SHANK2: variants seen among roughly 807,000 people sequenced by gnomAD.
SHANK2 encodes the protein SH3 and multiple ankyrin repeat domains protein 2.
In SHANK2, 43 loss-of-function variants were observed where a neutral mutation model predicts 133.7. The ratio of observed to expected loss-of-function variants is 0.32; its 90% CI spans 0.25 to 0.41. The LOEUF (loss-of-function observed/expected upper bound fraction) is 0.41. Ranked by LOEUF, SHANK2 falls within the 10% of genes least tolerant of loss-of-function variation. The pLI is 1.00. For missense variants in SHANK2, 1,994 were observed against 2,235.8 expected, an observed-to-expected ratio of 0.89 and a Z score of 2.18; for synonymous variants, 1,017 against 952.8, an observed-to-expected ratio of 1.07 and a Z score of -1.24.
intron 17 of SHANK2, among the ~76,000 whole-genome samples, chr11:70,547,765 C>T (rs564007058): frequency 1.4e-4 from 21 of 152,228 alleles, no homozygotes; most frequent in Non-Finnish European, 1.9e-4. Context: ...TCTTACTCTA[C>T]GTAATTGTCT....
intron 17 of SHANK2, among the ~76,000 whole-genome samples, chr11:70,629,376 T>C (rs2060949170): frequency 6.6e-6 from 1 of 152,194 alleles, no homozygotes. Flanking sequence ...TTTAACCTAG[T>C]GCTTGGTGAT....
chr11:70,566,486 C>T (rs2059969583), intron 17 of SHANK2: 2 of 152,196 alleles, frequency 1.3e-5, no homozygotes, highest in Admixed American at 6.5e-5. Flanking sequence ...AGGGCTGGGA[C>T]CACAGTCCCC....
intron 9 of SHANK2, among the ~76,000 whole-genome samples, chr11:71,072,539 T>C (rs1264067256): frequency 6.6e-6 from 1 of 152,170 alleles, no homozygotes; most frequent in African/African-American, 2.4e-5. Context: ...CTTGTGGGCA[T>C]TTTTCCCCGA....
Position 70,538,373 on chromosome 11 carries a change from AG to A in SHANK2, c.2062-35443del, listed in dbSNP as rs1456830087. ...CCGAGGGGCTTGGCCAAGGATGCACAGTGGAGTGGACACTGCTTGCCAGGCC... is the reference window on the plus strand; with the variant it reads ...CCGAGGGGCTTGGCCAAGGATGCACATGGAGTGGACACTGCTTGCCAGGCC... On this transcript the variant is annotated intron_variant, in intron 17 of 25. Coordinates refer to ENST00000601538, the MANE Select transcript of SHANK2 (RefSeq NM_012309.5). 3.3e-5 allele frequency among the ~76,000 whole-genome samples: 5 copies of A among 152,368 alleles called. No individual in the cohort carries two copies. The East Asian group carries it at 9.7e-4, about 29-fold the overall frequency.
Position 71,058,631 on chromosome 11 carries a change from A to T in SHANK2, c.1030-2073T>A, listed in dbSNP as rs993857659. ...GGGGGCACCTTCTCCTACAGGACTCAGGGCCTCAGCGCAGGTCACAGCCGA... is the reference window on the plus strand; with the variant it reads ...GGGGGCACCTTCTCCTACAGGACTCTGGGCCTCAGCGCAGGTCACAGCCGA... On this transcript the variant is annotated intron_variant, in intron 9 of 25. Transcript: ENST00000601538. Among the ~76,000 whole-genome samples, 21 of 152,244 alleles carry T rather than the reference A, an allele frequency of 1.4e-4. No individual in the cohort carries two copies. The South Asian group carries it at 2.1e-3, about 15-fold the overall frequency.
intron 17 of SHANK2, among the ~76,000 whole-genome samples, chr11:70,605,560 G>A (rs569838322): frequency 3.3e-5 from 5 of 152,332 alleles, no homozygotes; most frequent in African/African-American, 9.6e-5. Flanking sequence ...GGCTGCCTCC[G>A]GTGGCCTTAT....
chr11:70,837,388 C>A (rs976446397), intron 11 of SHANK2, among the ~76,000 whole-genome samples: 1 of 152,178 alleles, frequency 6.6e-6, no homozygotes, highest in African/African-American at 2.4e-5. Flanking sequence ...CATTCCTCTG[C>A]CTGCTCTCCC....
At chr11:70,631,619 T>C (rs1282134643) in intron 17 of SHANK2, among the ~76,000 whole-genome samples, 1 of 152,168 alleles carries the variant, frequency 6.6e-6, no homozygotes, top group Non-Finnish European at 1.5e-5. Context: ...GCGCTGGGAA[T>C]AGGACAGCGT....
chr11:71,095,959 G>A (rs1951604678), intron 6 of SHANK2, among the ~76,000 whole-genome samples: 2 of 135,986 alleles, frequency 1.5e-5, no homozygotes, highest in Admixed American at 1.4e-4. Context: ...CATTCATCCT[G>A]TCTCCATGTG....
intron 1 of SHANK2, among the ~76,000 whole-genome samples, chr11:71,249,310 A>G (rs1948139102): frequency 6.6e-6 from 1 of 152,108 alleles, no homozygotes; most frequent in Non-Finnish European, 1.5e-5. Flanking sequence ...TCCCCAGTCT[A>G]TAGAAACGGA....
intron 1 of SHANK2, among the ~76,000 whole-genome samples, chr11:71,231,233 A>T (rs1021856078): frequency 1.4e-4 from 22 of 152,298 alleles, no homozygotes; most frequent in African/African-American, 2.6e-4. Context: ...AGTTAAAAAA[A>T]TGACAATCCA....
chr11:70,946,570 C>A (rs1555085495), intron 10 of SHANK2, among the ~76,000 whole-genome samples: 1 of 149,296 alleles, frequency 6.7e-6, no homozygotes, highest in African/African-American at 2.5e-5. Flanking sequence ...CCTTCCTCTC[C>A]ACTAACCAAC....
chr11:71,157,972 C>A (rs551401655), intron 2 of SHANK2, among the ~76,000 whole-genome samples: 1 of 152,170 alleles, frequency 6.6e-6, no homozygotes, highest in Non-Finnish European at 1.5e-5. Context: ...CCAGCAGGAA[C>A]AAGAGGCCCA....
intron 8 of SHANK2, among the ~76,000 whole-genome samples, chr11:71,085,762 AAT>A (rs1287953513): frequency 5.1e-5 from 4 of 77,692 alleles, no homozygotes; most frequent in African/African-American, 2.1e-4. Context: ...TATGTTATAT[AAT>A]ATATATTATA....
chr11:70,697,189 G>A (rs1460625215), intron 15 of SHANK2, among the ~76,000 whole-genome samples: 3 of 152,186 alleles, frequency 2.0e-5, no homozygotes, highest in Admixed American at 6.5e-5. Context: ...GCTGGATGGT[G>A]GTGTTGGCTA....
Position 70,486,246 on chromosome 11 carries a change from T to G in SHANK2, c.4047A>C (p.Pro1349=). The change falls in exon 25 of 26, where the codon CCA becomes CCC. Residue 1349 remains proline, a synonymous_variant. Coordinates refer to ENST00000601538, the MANE Select transcript of SHANK2 (RefSeq NM_012309.5). The surrounding 1 kb of genome is among the most constrained non-coding windows in gnomAD (Gnocchi z 8.0). ...MKPDSSPSEV[P]EGVSETEGAL... ...CACCTTCGGTTTCGGAAACACCTTC[T>G]GGCACCTCGGACGGCGAGCTGTCTG... 1 of 1,614,032 alleles carries G rather than the reference T, an allele frequency of 6.2e-7. No individual in the cohort carries two copies. Among genetic ancestry groups the G allele is most frequent in the Non-Finnish European group, 8.5e-7 (1 of 1,180,036 alleles).
intron 17 of SHANK2, among the ~76,000 whole-genome samples, chr11:70,543,873 T>C (rs1554975688): frequency 1.3e-5 from 2 of 152,160 alleles, no homozygotes; most frequent in African/African-American, 2.4e-5. Flanking sequence ...AGTGCAGAAC[T>C]GAATTGAATT....
intron 17 of SHANK2, among the ~76,000 whole-genome samples, chr11:70,576,071 C>A (rs904959290): frequency 6.6e-6 from 1 of 152,080 alleles, no homozygotes; most frequent in African/African-American, 2.4e-5. Flanking sequence ...ACAAGGAGAG[C>A]ATTTCACGGG....
chr11:70,775,037 A>G (rs1947332097), intron 14 of SHANK2, among the ~76,000 whole-genome samples: 1 of 152,128 alleles, frequency 6.6e-6, no homozygotes. Flanking sequence ...ATGCACACCT[A>G]TAATCCAACA....
Sources: gnomAD v4.1 joint callset for allele counts (sites outside exome capture counted in the v4.1 genomes callset) on GRCh38, gnomAD v4.1.1 for gene constraint, Gnocchi (gnomAD v3.1) non-coding constraint, MANE v1.5 for transcripts, NCBI Gene and HGNC (gene_info 2026-07-23, HGNC 2026-07-21) for gene names.